Variants in PABPC4L observed in about 807,000 individuals in gnomAD.
PABPC4L encodes the protein poly(A) binding protein cytoplasmic 4 like, also known as polyadenylate-binding protein 4-like.
For missense variants in PABPC4L, 452 were observed against 451.4 expected (o/e 1.00, Z -0.01); for synonymous variants, 169 against 164.1 (o/e 1.03, Z -0.23).
the PABPC4L span, among the ~76,000 whole-genome samples, chr4:133,988,940 C>T: frequency 6.6e-6 from 1 of 152,158 alleles, no homozygotes; most frequent in East Asian, 1.9e-4. Flanking sequence ...GCAGGACAAA[C>T]ACCATGTGGA....
chr4:134,131,520 C>T, the PABPC4L span, among the ~76,000 whole-genome samples: 1 of 151,786 alleles, frequency 6.6e-6, no homozygotes, highest in South Asian at 2.1e-4. Flanking sequence ...ACAGGGACAA[C>T]TACAAAACAC....
the PABPC4L span, among the ~76,000 whole-genome samples, chr4:134,140,250 T>C: frequency 2.6e-5 from 4 of 151,958 alleles, no homozygotes; most frequent in Admixed American, 1.3e-4. Context: ...ACAAAGTAAC[T>C]ATATAAGATG....
the PABPC4L span, among the ~76,000 whole-genome samples, chr4:134,101,962 G>A: frequency 6.6e-6 from 1 of 151,350 alleles, no homozygotes; most frequent in East Asian, 1.9e-4. Flanking sequence ...GACTAGCTTT[G>A]TCTCATTTTA....
the PABPC4L span, among the ~76,000 whole-genome samples, chr4:134,052,879 A>G: frequency 1.3e-5 from 2 of 152,064 alleles, no homozygotes; most frequent in African/African-American, 4.8e-5. Context: ...ATATTTTTGT[A>G]TTTTTGCTCA....
the PABPC4L span, among the ~76,000 whole-genome samples, chr4:134,099,137 A>G: frequency 2.6e-5 from 4 of 151,766 alleles, no homozygotes; most frequent in African/African-American, 9.7e-5. Context: ...ATGGGAGTTA[A>G]TAAGAGTAGT....
the PABPC4L span, among the ~76,000 whole-genome samples, chr4:134,175,791 C>T: frequency 6.6e-6 from 1 of 151,998 alleles, no homozygotes; most frequent in South Asian, 2.1e-4. Context: ...AAATGGATTT[C>T]CTTAAACAAT....
At chr4:134,019,894 T>C in the PABPC4L span, among the ~76,000 whole-genome samples, 2 of 152,122 alleles carry the variant, frequency 1.3e-5, no homozygotes, top group African/African-American at 4.8e-5. Context: ...AACTTAAAGA[T>C]GTCATTCTAG....
chr4:134,141,681 C>T, the PABPC4L span, among the ~76,000 whole-genome samples: 1 of 151,600 alleles, frequency 6.6e-6, no homozygotes, highest in Admixed American at 6.6e-5. Context: ...AAATTCACTG[C>T]ACAAATCCTT....
the PABPC4L span, among the ~76,000 whole-genome samples, chr4:134,068,140 T>C: frequency 6.6e-6 from 1 of 152,186 alleles, no homozygotes; most frequent in South Asian, 2.1e-4. Context: ...CTCACTATTA[T>C]TGTGTGGGAA....
the PABPC4L span, among the ~76,000 whole-genome samples, chr4:134,144,626 T>C: frequency 6.6e-6 from 1 of 151,480 alleles, no homozygotes; most frequent in African/African-American, 2.4e-5. Flanking sequence ...AAAGAAATGT[T>C]TCTTTAAACC....
chr4:134,069,734 C>T, the PABPC4L span, among the ~76,000 whole-genome samples: 2 of 152,062 alleles, frequency 1.3e-5, no homozygotes, highest in African/African-American at 4.8e-5. Context: ...TTATTACATT[C>T]CTTAAAATCC....
the PABPC4L span, among the ~76,000 whole-genome samples, chr4:134,041,914 C>A: frequency 1.3e-5 from 2 of 152,020 alleles, no homozygotes; most frequent in East Asian, 3.9e-4. Context: ...TCCAGCAATC[C>A]CACTAATAAG....
At chr4:133,968,846 A>G in the PABPC4L span, among the ~76,000 whole-genome samples, 1 of 152,182 alleles carries the variant, frequency 6.6e-6, no homozygotes, top group Non-Finnish European at 1.5e-5. Context: ...TACAAGAGTG[A>G]TTTTCATACA....
chr4:133,999,257 G>GC, the PABPC4L span, among the ~76,000 whole-genome samples: 7 of 151,866 alleles, frequency 4.6e-5, no homozygotes, highest in Non-Finnish European at 7.4e-5. Context: ...TTTGTCTTTT[G>GC]TTTTAGGGAA....
chr4:134,089,416 C>T, the PABPC4L span, among the ~76,000 whole-genome samples: 2 of 152,020 alleles, frequency 1.3e-5, no homozygotes, highest in Non-Finnish European at 2.9e-5. Context: ...ACCCAAAGTC[C>T]ACAGTTTACA....
chr4:134,033,072 G>C, the PABPC4L span, among the ~76,000 whole-genome samples: 1 of 148,056 alleles, frequency 6.8e-6, no homozygotes, highest in African/African-American at 2.5e-5. Flanking sequence ...CCTGCATCCA[G>C]CAAGTCTATA....
At chr4:134,110,842 A>C in the PABPC4L span, among the ~76,000 whole-genome samples, 1 of 151,986 alleles carries the variant, frequency 6.6e-6, no homozygotes, top group African/African-American at 2.4e-5. Context: ...CAGTCTGTAC[A>C]TATTCAGTTC....
the PABPC4L span, among the ~76,000 whole-genome samples, chr4:133,972,219 T>A: frequency 6.6e-6 from 1 of 152,140 alleles, no homozygotes; most frequent in Non-Finnish European, 1.5e-5. Flanking sequence ...ATGAACCCAA[T>A]ATCATTGGTG....
the PABPC4L span, among the ~76,000 whole-genome samples, chr4:133,996,707 A>C: frequency 2.6e-5 from 4 of 152,138 alleles, no homozygotes; most frequent in South Asian, 4.1e-4. Context: ...AAGTATGCCG[A>C]CACAGGTATT....
Sources: gnomAD v4.1 joint callset for allele counts (sites outside exome capture counted in the v4.1 genomes callset) on GRCh38, gnomAD v4.1.1 for gene constraint, MANE v1.5 for transcripts, NCBI Gene and HGNC (gene_info 2026-07-23, HGNC 2026-07-21) for gene names.